The following HSD17B12 variants were observed in gnomAD, a reference collection of about 807,000 sequenced individuals.
HSD17B12 encodes very-long-chain 3-oxoacyl-CoA reductase.
A neutral mutation model predicts 39.3 loss-of-function variants in HSD17B12; 32 were observed. The observed-to-expected ratio is 0.81, with a 90% CI of 0.61 to 1.09. HSD17B12 has a LOEUF of 1.09. HSD17B12 is among the 50% of genes least tolerant of loss of function. The probability of loss-of-function intolerance (pLI) is 0.00; values close to 1 mark genes in which losing one functional copy is unlikely to be tolerated. For missense variants in HSD17B12, 342 were observed against 382.9 expected (o/e 0.89, Z 0.89); for synonymous variants, 150 against 146.7 (o/e 1.02, Z -0.16).
chr11:43,599,994 C>G, the HSD17B12 span, among the ~76,000 whole-genome samples: 1 of 152,072 alleles, frequency 6.6e-6, no homozygotes, highest in South Asian at 2.1e-4. Flanking sequence ...ATCCTTTACC[C>G]TGGGTTATTC....
At chr11:43,682,719 T>A (rs1178281387) in intron 1 of HSD17B12, among the ~76,000 whole-genome samples, 1 of 152,122 alleles carries the variant, frequency 6.6e-6, no homozygotes, top group African/African-American at 2.4e-5. Context: ...AATTAGGGAA[T>A]TGTATCAAGA....
intron 6 of HSD17B12, among the ~76,000 whole-genome samples, chr11:43,826,158 C>G (rs1951236532): frequency 6.7e-6 from 1 of 149,966 alleles, no homozygotes; most frequent in Admixed American, 6.7e-5. Context: ...TCTCCGCTCA[C>G]TGCAAGCTCC....
the HSD17B12 span, among the ~76,000 whole-genome samples, chr11:43,586,909 A>T: frequency 6.6e-6 from 1 of 152,280 alleles, no homozygotes; most frequent in South Asian, 2.1e-4. Flanking sequence ...TCAGAGATAC[A>T]CTTTCTGACA....
At chr11:43,612,904 G>A in the HSD17B12 span, among the ~76,000 whole-genome samples, 5 of 152,152 alleles carry the variant, frequency 3.3e-5, no homozygotes, top group Admixed American at 2.6e-4. Context: ...TCTAGATCTG[G>A]AAGAAGAGTG....
intron 6 of HSD17B12, among the ~76,000 whole-genome samples, chr11:43,817,692 G>C (rs533897833): frequency 1.3e-4 from 20 of 152,140 alleles, no homozygotes; most frequent in Non-Finnish European, 2.4e-4. Context: ...GTTCTGTTCA[G>C]TTGGTCTACG....
chr11:43,689,920 G>A (rs1288376212), intron 1 of HSD17B12, among the ~76,000 whole-genome samples: 1 of 151,932 alleles, frequency 6.6e-6, no homozygotes, highest in South Asian at 2.1e-4. Context: ...CTCTTACTCC[G>A]TTCCACCCAC....
chr11:43,851,156 CTAAT>C (rs1951527073), intron 9 of HSD17B12, among the ~76,000 whole-genome samples: 2 of 152,118 alleles, frequency 1.3e-5, no homozygotes, highest in African/African-American at 4.8e-5. Context: ...GCTTTATGGC[CTAAT>C]TAATTATTTG....
At position 43,816,280 on chromosome 11, in the gene HSD17B12, A is replaced by G. The variant is rs929933435; in HGVS notation, c.457-67A>G. On this transcript the variant is annotated intron_variant, in intron 5 of 10. Coordinates refer to ENST00000278353, the MANE Select transcript of HSD17B12 (RefSeq NM_016142.3). ...TGTTCAATGCTTCTCTAGATTACCT[A>G]AGTAGATATCTAATAGGGTCACTTT... The G allele has an allele frequency of 9.5e-6, 12 of 1,259,586 alleles. No individual in the cohort carries two copies. In the African/African-American group the frequency reaches 1.9e-4, roughly 20 times the overall value. 78.0% of individuals were successfully genotyped at this position (1,259,586 alleles called of 1,614,324 possible).
rs551752974 is a variant in HSD17B12, at chr11:43,697,802, A to T, written c.160+16815A>T. ...CTGGGGCTGAGAATCCTGAGAGGAG[A>T]GAGGCAATAGATAAGACTAGAGAAA... On this transcript the variant is annotated intron_variant, in intron 1 of 10. Transcript: ENST00000278353. Among the ~76,000 whole-genome samples, 6 of 152,294 alleles carry T rather than the reference A, an allele frequency of 3.9e-5. No homozygotes were observed. The East Asian group carries it at 7.7e-4, about 20-fold the overall frequency.
intron 5 of HSD17B12, 85 bp from the exon 6 acceptor site, chr11:43,816,262 T>C: frequency 1.8e-6 from 2 of 1,135,128 alleles, no homozygotes; most frequent in Non-Finnish European, 2.4e-6. Context: ...AAATGTTCAA[T>C]GCTTCTCTAG....
At chr11:43,707,181 G>T (rs572938736) in intron 1 of HSD17B12, among the ~76,000 whole-genome samples, 1 of 152,214 alleles carries the variant, frequency 6.6e-6, no homozygotes, top group Non-Finnish European at 1.5e-5. Context: ...GCCTAGGGGT[G>T]TAGCAGTGAA....
At chr11:43,756,063 G>C (rs1010072349) in intron 3 of HSD17B12, among the ~76,000 whole-genome samples, 6 of 152,050 alleles carry the variant, frequency 3.9e-5, no homozygotes, top group African/African-American at 1.4e-4. Flanking sequence ...AGTATGGGGG[G>C]AACCGCCCCC....
the HSD17B12 span, chr11:43,581,252 G>C: frequency 2.2e-6 from 1 of 453,540 alleles, no homozygotes; most frequent in South Asian, 1.6e-5. This position sits in a 1 kb window ranked among gnomAD's most constrained non-coding sequence, Gnocchi z 4.9. Flanking sequence ...ACGAGTCCAG[G>C]GGCGCGGAGG....
intron 1 of HSD17B12, among the ~76,000 whole-genome samples, chr11:43,700,916 T>C (rs1017136264): frequency 6.6e-6 from 1 of 152,196 alleles, no homozygotes; most frequent in Non-Finnish European, 1.5e-5. Flanking sequence ...TCCAAACTGT[T>C]CTCCATAGTG....
At chr11:43,758,872 A>G (rs1284377442) in intron 3 of HSD17B12, among the ~76,000 whole-genome samples, 2 of 152,226 alleles carry the variant, frequency 1.3e-5, no homozygotes, top group Admixed American at 1.3e-4. Flanking sequence ...ATGGATTGCT[A>G]GTATCCCATT....
chr11:43,755,009 A>G (rs2134950952), intron 3 of HSD17B12: 2 of 599,366 alleles, frequency 3.3e-6, no homozygotes, highest in East Asian at 5.6e-5. Context: ...TTTGCTGACC[A>G]TTTGTGGCCA....
In HSD17B12 at chr11:43,815,448, G is replaced by T. The variant is rs1379609643; in HGVS notation, c.403G>T (p.Gly135Ter). The change falls in exon 5 of 11, where the codon GGA becomes TGA. Residue 135 changes from glycine to a stop codon, truncating the protein, a stop_gained. Transcript: ENST00000278353. LOFTEE classifies it high-confidence loss of function. ...LEIGILVNNVGMSYEYPEYFL... is the reference protein window; with the variant it reads ...LEIGILVNNV The stretch of plus-strand genomic sequence containing the variant: ...TTGTTCTATTTCAGTGAACAACGTG[G>T]GAATGTCGTATGAGTATCCTGAATA... The T allele has an allele frequency of 6.4e-7, 1 of 1,568,462 alleles. No homozygotes were observed. The highest frequency in any genetic ancestry group is 8.7e-7 in the Non-Finnish European group (1 of 1,147,756).
At chr11:43,807,012 C>CTGTTATCAT (rs139324341) in intron 4 of HSD17B12, among the ~76,000 whole-genome samples, 1 of 152,062 alleles carries the variant, frequency 6.6e-6, no homozygotes, top group Non-Finnish European at 1.5e-5. Flanking sequence ...AAGAAAGACA[C>CTGTTATCAT]TGTTATCAGG....
chr11:43,690,361 C>CATAT lies in HSD17B12; in HGVS notation c.160+9415_160+9418dup, dbSNP rs61646858. The stretch of plus-strand genomic sequence containing the variant: ...ATATCTGTTAAGTAAGGTATTCATA[C>CATAT]ATATATATATATATATATATATATA... On this transcript the variant is annotated intron_variant, in intron 1 of 10. Transcript: ENST00000278353. 4.3e-3 allele frequency among the ~76,000 whole-genome samples: 168 copies of CATAT among 39,368 alleles called. 9 individuals are homozygous for CATAT. Among genetic ancestry groups the CATAT allele is most frequent in the Non-Finnish European group, 4.5e-3 (108 of 23,746 alleles). 25.8% of individuals were successfully genotyped at this position (39,368 alleles called of 152,430 possible).
Sources: allele counts gnomAD v4.1 joint callset (sites outside exome capture counted in the v4.1 genomes callset), GRCh38; gene constraint gnomAD v4.1.1; non-coding constraint Gnocchi (gnomAD v3.1); transcripts MANE v1.5; gene names NCBI Gene and HGNC (gene_info 2026-07-23, HGNC 2026-07-21).